KLF12: variants seen among roughly 807,000 people sequenced by gnomAD.
KLF12 encodes the protein Krueppel-like factor 12.
In KLF12, 9 loss-of-function variants were observed where a neutral mutation model predicts 37.8. The observed-to-expected ratio is 0.24, with a 90% CI of 0.14 to 0.42. The LOEUF (loss-of-function observed/expected upper bound fraction) is 0.42. KLF12 is among the 10% of genes least tolerant of loss of function. KLF12 has a pLI of 1.00. For synonymous variants in KLF12, 208 were observed against 202.1 expected, an observed-to-expected ratio of 1.03 and a Z score of -0.25; for missense variants, 411 against 516.0, an observed-to-expected ratio of 0.80 and a Z score of 1.97.
chr13:73,897,483 C>T (rs1004727687), intron 3 of KLF12, among the ~76,000 whole-genome samples: 1 of 152,160 alleles, frequency 6.6e-6, no homozygotes, highest in Admixed American at 6.5e-5. Flanking sequence ...TCCTCCAGGG[C>T]TCTCTATTCC....
chr13:73,767,769 C>G (rs890644910), intron 5 of KLF12, among the ~76,000 whole-genome samples: 1 of 152,172 alleles, frequency 6.6e-6, no homozygotes, highest in Admixed American at 6.5e-5. Flanking sequence ...AATACAAAAA[C>G]GGCTCTTTCT....
chr13:73,844,405 TC>T (rs1327676565), intron 4 of KLF12, among the ~76,000 whole-genome samples: 1 of 152,188 alleles, frequency 6.6e-6, no homozygotes, highest in African/African-American at 2.4e-5. Flanking sequence ...TTCCTCTTCT[TC>T]CTCTACGTTT....
intron 3 of KLF12, among the ~76,000 whole-genome samples, chr13:73,922,763 A>C (rs1027848229): frequency 2.0e-5 from 3 of 152,202 alleles, no homozygotes; most frequent in Non-Finnish European, 4.4e-5. Flanking sequence ...CAGCTAATCC[A>C]AAACCCTACA....
intron 1 of KLF12, among the ~76,000 whole-genome samples, chr13:74,109,750 C>T (rs1465153560): frequency 6.6e-6 from 1 of 152,112 alleles, no homozygotes; most frequent in East Asian, 1.9e-4. Context: ...AACACACCAA[C>T]AATGACCACT....
At chr13:74,186,116 A>G in the KLF12 span, among the ~76,000 whole-genome samples, 1 of 152,138 alleles carries the variant, frequency 6.6e-6, no homozygotes, top group African/African-American at 2.4e-5. Context: ...TCATATACCA[A>G]TTGCCAGGCT....
chr13:73,880,390 T>C (rs1340177409), intron 3 of KLF12, among the ~76,000 whole-genome samples: 2 of 152,188 alleles, frequency 1.3e-5, no homozygotes, highest in African/African-American at 2.4e-5. Flanking sequence ...TATTGCCTCA[T>C]AGGACACATC....
intron 2 of KLF12, among the ~76,000 whole-genome samples, chr13:73,989,359 C>A (rs564454325): frequency 2.0e-5 from 3 of 152,278 alleles, no homozygotes; most frequent in African/African-American, 7.2e-5. Context: ...TTACACAAGA[C>A]CTATTCAATG....
intron 6 of KLF12, among the ~76,000 whole-genome samples, chr13:73,755,161 T>C (rs1301538272): frequency 6.6e-6 from 1 of 152,196 alleles, no homozygotes; most frequent in East Asian, 1.9e-4. Flanking sequence ...TCCATACCTA[T>C]AAACTGCAAA....
intron 5 of KLF12, among the ~76,000 whole-genome samples, chr13:73,776,754 G>A (rs1880633307): frequency 2.0e-5 from 3 of 152,112 alleles, no homozygotes; most frequent in South Asian, 4.1e-4. Context: ...CCAAATTAAA[G>A]CACATCTGGT....
intron 4 of KLF12, among the ~76,000 whole-genome samples, chr13:73,825,627 T>C (rs1883793723): frequency 6.6e-6 from 1 of 152,246 alleles, no homozygotes; most frequent in Non-Finnish European, 1.5e-5. Flanking sequence ...ATAAATTGCA[T>C]GGTGCTTGAG....
At chr13:73,965,414 C>T (rs1397901028) in intron 2 of KLF12, among the ~76,000 whole-genome samples, 5 of 152,074 alleles carry the variant, frequency 3.3e-5, no homozygotes, top group African/African-American at 4.8e-5. Flanking sequence ...ATTCTTCCAT[C>T]GGACCTAACT....
the KLF12 span, among the ~76,000 whole-genome samples, chr13:74,283,040 A>G: frequency 6.6e-6 from 1 of 152,240 alleles, no homozygotes; most frequent in Non-Finnish European, 1.5e-5. Context: ...AGAATGTTAA[A>G]AAGTGTCCAA....
the KLF12 span, among the ~76,000 whole-genome samples, chr13:74,167,260 T>C: frequency 6.6e-6 from 1 of 152,212 alleles, no homozygotes; most frequent in Non-Finnish European, 1.5e-5. Context: ...GCAGGTTCTA[T>C]GGGGAGAGGA....
At chr13:74,280,132 C>T in the KLF12 span, among the ~76,000 whole-genome samples, 1 of 152,172 alleles carries the variant, frequency 6.6e-6, no homozygotes, top group Non-Finnish European at 1.5e-5. Context: ...TAATTGTTAT[C>T]ATCTATTAAA....
At chr13:74,048,647 A>T (rs891927760) in intron 1 of KLF12, among the ~76,000 whole-genome samples, 3 of 152,176 alleles carry the variant, frequency 2.0e-5, no homozygotes, top group African/African-American at 7.2e-5. Flanking sequence ...TAAGGAAATA[A>T]GTCAAGAAAC....
the KLF12 span, among the ~76,000 whole-genome samples, chr13:74,287,262 G>C: frequency 3.3e-5 from 5 of 151,640 alleles, no homozygotes; most frequent in Admixed American, 6.6e-5. Context: ...CGGCAGAATC[G>C]TGTGCCAGAG....
At chr13:73,780,734 T>C (rs977356070) in intron 5 of KLF12, among the ~76,000 whole-genome samples, 1 of 152,318 alleles carries the variant, frequency 6.6e-6, no homozygotes, top group Admixed American at 6.5e-5. Context: ...AGTGCTGGGA[T>C]TACAGGCGTG....
At chr13:74,278,993 T>C in the KLF12 span, among the ~76,000 whole-genome samples, 179 of 152,262 alleles carry the variant, frequency 1.2e-3, 2 homozygotes, top group East Asian at 0.027. Flanking sequence ...GAAGAGGTAA[T>C]ACATCTTTTC....
At chr13:74,052,204 C>G (rs1176697313) in intron 1 of KLF12, among the ~76,000 whole-genome samples, 1 of 151,980 alleles carries the variant, frequency 6.6e-6, no homozygotes, top group African/African-American at 2.4e-5. Context: ...TCTATAAATA[C>G]CAGGGTTTTA....
Sources: allele counts gnomAD v4.1 joint callset (sites outside exome capture counted in the v4.1 genomes callset), GRCh38; gene constraint gnomAD v4.1.1; transcripts MANE v1.5; gene names NCBI Gene and HGNC (gene_info 2026-07-23, HGNC 2026-07-21).